The following ZBTB7C variants were observed in gnomAD, a reference collection of about 807,000 sequenced individuals.
ZBTB7C encodes zinc finger and BTB domain-containing protein 7C.
A neutral mutation model predicts 25.7 loss-of-function variants in ZBTB7C; 8 were observed. That is an observed-to-expected ratio of 0.31 (90% CI 0.18 to 0.56). The LOEUF is 0.56. ZBTB7C is among the 20% of genes least tolerant of loss of function. The pLI, the probability that ZBTB7C is intolerant of heterozygous loss-of-function variation, is 0.91. For missense variants in ZBTB7C, 824 were observed against 855.2 expected, an observed-to-expected ratio of 0.96 and a Z score of 0.46; for synonymous variants, 394 against 369.0, an observed-to-expected ratio of 1.07 and a Z score of -0.78.
At chr18:48,265,017 T>C (rs996271664) in intron 2 of ZBTB7C, among the ~76,000 whole-genome samples, 13 of 151,998 alleles carry the variant, frequency 8.6e-5, no homozygotes, top group African/African-American at 3.1e-4. Context: ...GGAGATGGGG[T>C]AGGAGGAGGG....
intron 2 of ZBTB7C, among the ~76,000 whole-genome samples, chr18:48,257,786 GA>G (rs199616477): frequency 0.1 from 14,297 of 141,042 alleles, 1,057 homozygotes; most frequent in African/African-American, 0.2. Flanking sequence ...TTAACAAGCT[GA>G]AAAAAAAAAA....
At chr18:48,278,081 C>T (rs1199361191) in intron 2 of ZBTB7C, among the ~76,000 whole-genome samples, 1 of 152,152 alleles carries the variant, frequency 6.6e-6, no homozygotes, top group Non-Finnish European at 1.5e-5. Flanking sequence ...ATGTTTCCCT[C>T]CCCCTGAATC....
At chr18:48,192,993 A>G (rs1037809119) in intron 2 of ZBTB7C, among the ~76,000 whole-genome samples, 1 of 152,184 alleles carries the variant, frequency 6.6e-6, no homozygotes, top group Non-Finnish European at 1.5e-5. Flanking sequence ...TTCAAAACAC[A>G]ACGCTCGGTG....
chr18:48,388,574 G>A (rs11873467), intron 1 of ZBTB7C, among the ~76,000 whole-genome samples: 1,723 of 152,226 alleles, frequency 0.011, 32 homozygotes, highest in African/African-American at 0.04. Context: ...TTAGCAAACT[G>A]ATTTTGAAAT....
intron 3 of ZBTB7C, among the ~76,000 whole-genome samples, chr18:48,093,415 T>C (rs1013407218): frequency 1.3e-5 from 2 of 152,214 alleles, no homozygotes; most frequent in African/African-American, 4.8e-5. Context: ...GGCTCAGGAC[T>C]GGCCCAGATC....
At chr18:48,125,658 T>G (rs1322325744) in intron 3 of ZBTB7C, among the ~76,000 whole-genome samples, 1 of 152,188 alleles carries the variant, frequency 6.6e-6, no homozygotes, top group Admixed American at 6.5e-5. Flanking sequence ...GGCAGATCCT[T>G]ATTCTGGGTC....
chr18:48,360,466 T>C (rs1022810853), intron 1 of ZBTB7C, among the ~76,000 whole-genome samples: 5 of 152,102 alleles, frequency 3.3e-5, no homozygotes, highest in Admixed American at 2.6e-4. Context: ...ATTTGAGGAA[T>C]GAATGCAAGT....
At chr18:48,153,637 C>T (rs77787860) in intron 3 of ZBTB7C, among the ~76,000 whole-genome samples, 6,209 of 152,266 alleles carry the variant, frequency 0.041, 141 homozygotes, top group Middle Eastern at 0.085. Context: ...AAAAATATTG[C>T]TACAATTTCA....
rs1598935407 is a variant in ZBTB7C at position 48,353,581 on chromosome 18, C to T, written c.-303-15183G>A. The stretch of plus-strand genomic sequence containing the variant: ...GGGCTAAGGAAGAGTCCCTGTCCCC[C>T]AGTATTCTCCAATCCCATCTGATGT... On this transcript the variant is annotated intron_variant, in intron 1 of 4. Coordinates refer to ENST00000590800, the MANE Select transcript of ZBTB7C (RefSeq NM_001318841.2). Among the ~76,000 whole-genome samples, 5 of 152,254 alleles carry T rather than the reference C, an allele frequency of 3.3e-5. No homozygotes were observed. In the South Asian group the frequency reaches 8.3e-4, roughly 25 times the overall value.
intron 1 of ZBTB7C, 34 bp downstream of exon 1, chr18:48,409,192 C>CTGG (rs2048351040): frequency 6.7e-6 from 1 of 149,898 alleles, no homozygotes; most frequent in African/African-American, 2.4e-5. Context: ...ACCCCGGCAG[C>CTGG]CGGCGCCCGA....
At chr18:48,058,369 T>C (rs2144304228) in intron 3 of ZBTB7C, among the ~76,000 whole-genome samples, 1 of 152,322 alleles carries the variant, frequency 6.6e-6, no homozygotes, top group Middle Eastern at 3.4e-3. Flanking sequence ...CAGTCTGCCT[T>C]TTGTGGTCCC....
intron 2 of ZBTB7C, among the ~76,000 whole-genome samples, chr18:48,310,690 A>T (rs1026004850): frequency 2.6e-5 from 4 of 152,212 alleles, no homozygotes; most frequent in African/African-American, 9.7e-5. Context: ...CACATTTGGG[A>T]GTGCATCTGC....
At chr18:48,033,109 C>G (rs897396500) in intron 4 of ZBTB7C, among the ~76,000 whole-genome samples, 2 of 152,214 alleles carry the variant, frequency 1.3e-5, no homozygotes, top group Non-Finnish European at 1.5e-5. Context: ...TATTTAACCT[C>G]TCTGTGCAGA....
chr18:48,120,625 A>G (rs2039596673), intron 3 of ZBTB7C, among the ~76,000 whole-genome samples: 1 of 152,186 alleles, frequency 6.6e-6, no homozygotes, highest in East Asian at 1.9e-4. Context: ...AAATAAAAAT[A>G]AAAAAGAAGT....
intron 3 of ZBTB7C, among the ~76,000 whole-genome samples, chr18:48,132,873 C>T (rs934950348): frequency 1.9e-4 from 29 of 152,330 alleles, no homozygotes; most frequent in African/African-American, 6.3e-4. Context: ...ATGTGTACAA[C>T]GCATATGTGT....
At chr18:48,085,821 T>A (rs1163733275) in intron 3 of ZBTB7C, among the ~76,000 whole-genome samples, 1 of 152,202 alleles carries the variant, frequency 6.6e-6, no homozygotes, top group Non-Finnish European at 1.5e-5. Flanking sequence ...CAGAGACCCC[T>A]CCCTGCCTGG....
chr18:48,181,250 T>C (rs2041913688), intron 3 of ZBTB7C, among the ~76,000 whole-genome samples: 1 of 152,158 alleles, frequency 6.6e-6, no homozygotes, highest in Non-Finnish European at 1.5e-5. Context: ...GCTGTTCATA[T>C]GAATGACACT....
At chr18:48,369,922 C>A (rs1300162010) in intron 1 of ZBTB7C, among the ~76,000 whole-genome samples, 5 of 152,108 alleles carry the variant, frequency 3.3e-5, no homozygotes, top group African/African-American at 1.2e-4. Flanking sequence ...GAACACTCAA[C>A]CCAACAACAG....
At chr18:48,212,211 T>C (rs1377117865) in intron 2 of ZBTB7C, among the ~76,000 whole-genome samples, 1 of 152,000 alleles carries the variant, frequency 6.6e-6, no homozygotes, top group Non-Finnish European at 1.5e-5. Context: ...AAAACATATA[T>C]ATATTTTTAA....
Sources: gnomAD v4.1 joint callset for allele counts (sites outside exome capture counted in the v4.1 genomes callset) on GRCh38, gnomAD v4.1.1 for gene constraint, MANE v1.5 for transcripts, NCBI Gene and HGNC (gene_info 2026-07-23, HGNC 2026-07-21) for gene names.